Variants in GLUL observed in about 807,000 individuals in gnomAD.
GLUL encodes the protein glutamine synthetase.
GLUL carries 8 observed loss-of-function variants against 36.9 expected under a neutral mutation model. The observed-to-expected ratio is 0.22, with a 90% CI of 0.13 to 0.39. The LOEUF (loss-of-function observed/expected upper bound fraction) is 0.39, where lower values mean the gene tolerates loss of function less well. Ranked by LOEUF, GLUL falls within the 10% of genes least tolerant of loss-of-function variation. GLUL has a pLI of 1.00. For synonymous variants in GLUL, 182 were observed against 172.8 expected (o/e 1.05, Z -0.42); for missense variants, 315 against 501.8 (o/e 0.63, Z 3.56).
Position 182,390,787 on chromosome 1 carries a change from C to T in GLUL, c.-14+892G>A, listed in dbSNP as rs192236496. 4.9e-3 allele frequency: 1,943 copies of T among 399,178 alleles called. 27 individuals are homozygous for T. The highest frequency in any genetic ancestry group is 0.036 in the African/African-American group (1,735 of 48,758). 24.7% of individuals were successfully genotyped at this position (399,178 alleles called of 1,614,324 possible). Reference sequence around the variant, plus strand: ...AGCGCGACCCGGAGGAGTCTGACTTCTCGTTGTCTTCATAATTTTCATTCG... The same window carrying T: ...AGCGCGACCCGGAGGAGTCTGACTTTTCGTTGTCTTCATAATTTTCATTCG... On this transcript the variant is annotated intron_variant, in intron 1 of 6. Transcript: ENST00000331872.
In GLUL at chr1:182,380,576, G is replaced by A. The variant is rs189735702; in HGVS notation, c.*3829C>T. Among the ~76,000 whole-genome samples, 169 of 152,342 alleles carry A rather than the reference G, an allele frequency of 1.1e-3. No homozygotes were observed. Among genetic ancestry groups the A allele is most frequent in the Non-Finnish European group, 2.1e-3 (141 of 68,036 alleles). ...CTCACAAAGTGTTGGGATCACAGGC[G>A]TAAGCCACTTCACCTGGCCTTGATT... is the stretch of plus-strand genomic sequence containing the variant. On this transcript the variant is annotated 3_prime_UTR_variant, in exon 7 of 7. Coordinates refer to ENST00000331872, the MANE Select transcript of GLUL (RefSeq NM_001033044.4).
chr1:182,387,644 G>A (rs1265714398), intron 2 of GLUL, among the ~76,000 whole-genome samples: 1 of 152,126 alleles, frequency 6.6e-6, no homozygotes, highest in Non-Finnish European at 1.5e-5. Context: ...TCTTCCATTA[G>A]GTAATGTGTT....
rs949191867 is a variant in GLUL at position 182,385,864 on chromosome 1, C to T, written c.499G>A (p.Ala167Thr). ...PQGPYYCGVGADRAYGRDIVE... is the reference protein window; with the variant it reads ...PQGPYYCGVGTDRAYGRDIVE... ...ATGTCCCTGCCATAGGCTCTGTCTG[C>T]TCCCACACCACAGTAATATGGACCT... The change falls in exon 5 of 7, where the codon GCA becomes ACA. Residue 167 changes from alanine to threonine, a missense_variant. Ala to Thr is a moderately conservative substitution (Grantham distance 58). This residue lies in a region of GLUL where 256 missense variants were observed against 396.1 expected (regional missense o/e 0.65). Transcript: ENST00000331872. 1 of 1,613,768 alleles carries T rather than the reference C, an allele frequency of 6.2e-7. No homozygotes were observed. Among genetic ancestry groups the T allele is most frequent in the Non-Finnish European group, 8.5e-7 (1 of 1,179,630 alleles).
chr1:182,386,007 G>T, intron 4 of GLUL, 120 bp from the exon 5 acceptor site: 1 of 1,090,150 alleles, frequency 9.2e-7, no homozygotes, highest in Non-Finnish European at 1.4e-6. Context: ...TCATCTGCAG[G>T]TGCGGGGCAG....
intron 6 of GLUL, 155 bp from the exon 7 acceptor site, chr1:182,384,878 C>T (rs1048513673): frequency 4.5e-5 from 31 of 684,128 alleles, no homozygotes; most frequent in Admixed American, 1.1e-4. Context: ...GAACAGTGCC[C>T]GACAAGCAGT....
At position 182,384,556 on chromosome 1, in the gene GLUL, C is replaced by T. The variant is rs1233603258; in HGVS notation, c.971G>A (p.Arg324His). Residue 324 changes from arginine to histidine, a missense_variant, in exon 7 of 7, where the codon CGC (arginine) becomes CAC (histidine). This residue lies in a region of GLUL where 58 missense variants were observed against 89.5 expected (regional missense o/e 0.65). Transcript: ENST00000331872. ...CTCCTGGCCAACAGTCCGGGGAATG[C>T]GTATGCTGGCGCTACGATTGGCTAC... Reference protein sequence around the residue: ...AGVANRSASIRIPRTVGQEKK... With the variant: ...AGVANRSASIHIPRTVGQEKK... The T allele has an allele frequency of 3.1e-6, 5 of 1,614,154 alleles. No homozygotes were observed. Among genetic ancestry groups the T allele is most frequent in the Non-Finnish European group, 4.2e-6 (5 of 1,180,016 alleles).
chr1:182,386,993 G>A, intron 3 of GLUL, 138 bp downstream of exon 3: 2 of 755,600 alleles, frequency 2.6e-6, no homozygotes, highest in South Asian at 2.8e-5. Context: ...AGAAGTTCAG[G>A]GAAAAGAATC....
At chr1:182,387,020 T>C (rs1359154549) in intron 3 of GLUL, 111 bp downstream of exon 3, 2 of 848,638 alleles carry the variant, frequency 2.4e-6, no homozygotes, top group East Asian at 2.4e-5. Context: ...ATTCTTAAAA[T>C]AGTGCTGAAA....
intron 1 of GLUL, 162 bp downstream of exon 1, chr1:182,391,517 G>A (rs1049204933): frequency 9.4e-6 from 3 of 320,446 alleles, no homozygotes; most frequent in East Asian, 9.7e-5. Context: ...GCACGCGGGA[G>A]GAGCACTCAT....
At chr1:182,388,490 T>C in intron 2 of GLUL, 82 bp downstream of exon 2, 16 of 1,228,286 alleles carry the variant, frequency 1.3e-5, no homozygotes, top group Non-Finnish European at 1.9e-5. Context: ...AGAGGCCTAA[T>C]CCAGAGGCTG....
At chr1:182,387,390 T>C (rs896899743) in intron 2 of GLUL, 98 bp from the exon 3 acceptor site, 6 of 880,262 alleles carry the variant, frequency 6.8e-6, no homozygotes, top group South Asian at 2.7e-5. Flanking sequence ...CATCTCTAAA[T>C]ATCTCTTTTC....
In GLUL at chr1:182,381,176, A is replaced by G. The variant is rs1401262456; in HGVS notation, c.*3229T>C. 6.6e-6 allele frequency among the ~76,000 whole-genome samples: 1 copy of G among 152,188 alleles called. No individual in the cohort carries two copies. Among genetic ancestry groups the G allele is most frequent in the Non-Finnish European group, 1.5e-5 (1 of 68,044 alleles). Reference sequence around the variant, plus strand: ...CAGCTACTTGGGAGGCTGAGGCAGGAGAATCGCTTGAATCTGGGAGGCAGA... The same window carrying G: ...CAGCTACTTGGGAGGCTGAGGCAGGGGAATCGCTTGAATCTGGGAGGCAGA... On this transcript the variant is annotated 3_prime_UTR_variant, in exon 7 of 7. Transcript: ENST00000331872.
intron 4 of GLUL, 30 bp downstream of exon 4, chr1:182,386,226 G>C (rs748357616): frequency 2.5e-6 from 4 of 1,604,672 alleles, no homozygotes; most frequent in Non-Finnish European, 3.4e-6. Context: ...ACACTTCTGG[G>C]AATTTCACCT....
At chr1:182,388,069 G>A (rs1442191274) in intron 2 of GLUL, among the ~76,000 whole-genome samples, 1 of 152,186 alleles carries the variant, frequency 6.6e-6, no homozygotes, top group African/African-American at 2.4e-5. Flanking sequence ...AGCTCCTAGA[G>A]GGATACGCAA....
At position 182,378,302 on chromosome 1, in the gene GLUL, C is replaced by A. The variant is rs542283250; in HGVS notation, c.*6103G>T. Among the ~76,000 whole-genome samples the A allele has an allele frequency of 1.3e-5, 2 of 152,282 alleles. No homozygotes were observed. The highest frequency in any genetic ancestry group is 4.8e-5 in the African/African-American group (2 of 41,542). ...GAGGACAACTTGCTCAGGTACAAGG[C>A]CCCTGAAAAGTAACTCATCAAATGA... On this transcript the variant is annotated 3_prime_UTR_variant, in exon 7 of 7. Transcript: ENST00000331872.
rs61272996 is a variant in GLUL at position 182,379,846 on chromosome 1, C to CTTT, written c.*4556_*4558dup. On this transcript the variant is annotated 3_prime_UTR_variant, in exon 7 of 7. Coordinates refer to ENST00000331872, the MANE Select transcript of GLUL (RefSeq NM_001033044.4). ...CCACCATGCCCAGCCTCAGTTACAA[C>CTTT]TTTTTTTTTTTTTTTGAGATGGAGT... 7.2e-6 allele frequency among the ~76,000 whole-genome samples: 1 copy of CTTT among 138,296 alleles called. No individual in the cohort carries two copies. Among genetic ancestry groups the CTTT allele is most frequent in the Non-Finnish European group, 1.5e-5 (1 of 64,528 alleles). The allele number at this position is 138,296 out of a possible 152,430, so 90.7% of individuals were successfully genotyped here. A position where few individuals can be genotyped will look rare whatever the true frequency, so the allele number is the denominator to read the frequency against.
chr1:182,380,001 C>G lies in GLUL; in HGVS notation c.*4404G>C, dbSNP rs974808646. Among the ~76,000 whole-genome samples the G allele has an allele frequency of 2.0e-5, 3 of 152,006 alleles. No individual in the cohort carries two copies. Among genetic ancestry groups the G allele is most frequent in the Admixed American group, 6.6e-5 (1 of 15,262 alleles). Reference sequence around the variant, plus strand: ...CTGGGATTACAGGCATGTGCCACCACGCCCGGCTAATTTTTTGTATTTAGT... The same window carrying G: ...CTGGGATTACAGGCATGTGCCACCAGGCCCGGCTAATTTTTTGTATTTAGT... On this transcript the variant is annotated 3_prime_UTR_variant, in exon 7 of 7. Coordinates refer to ENST00000331872, the MANE Select transcript of GLUL (RefSeq NM_001033044.4).
At position 182,382,300 on chromosome 1, in the gene GLUL, G is replaced by A. The variant is rs892830216; in HGVS notation, c.*2105C>T. On this transcript the variant is annotated 3_prime_UTR_variant, in exon 7 of 7. Transcript: ENST00000331872. The stretch of plus-strand genomic sequence containing the variant: ...AGGAATTGGCCAAGATAAGGTGGAA[G>A]AACTCCCAGATACACGGACCAAGAT... The A allele has an allele frequency of 6.6e-6, 1 of 152,278 alleles. No individual in the cohort carries two copies. The highest frequency in any genetic ancestry group is 1.5e-5 in the Non-Finnish European group (1 of 68,098). 9.4% of individuals were successfully genotyped at this position (152,278 alleles called of 1,614,324 possible). A position where few individuals can be genotyped will look rare whatever the true frequency, so the allele number is the denominator to read the frequency against.
chr1:182,388,849 TAAG>T lies in GLUL; in HGVS notation c.-13-102_-13-100del. On this transcript the variant is annotated intron_variant, in intron 1 of 6. Transcript: ENST00000331872. ...GACGACTGAATCAAAAGTCAGAGTG[TAAG>T]TGCCAACTCCTTCCCTTGTGGAAGT... 4.5e-6 allele frequency: 4 copies of T among 894,130 alleles called. No homozygotes were observed. In the South Asian group the frequency reaches 5.3e-5, roughly 12 times the overall value. 55.4% of individuals were successfully genotyped at this position (894,130 alleles called of 1,614,324 possible).
Sources: gnomAD v4.1 joint callset for allele counts (sites outside exome capture counted in the v4.1 genomes callset) on GRCh38, gnomAD v4.1.1 for gene constraint, gnomAD v4.1.1 regional missense constraint, MANE v1.5 for transcripts, NCBI Gene and HGNC (gene_info 2026-07-23, HGNC 2026-07-21) for gene names.